The following CDH18 variants were observed in gnomAD, a reference collection of about 807,000 sequenced individuals.
CDH18 encodes cadherin 18, also known as cadherin-18.
Under a neutral mutation model 67.9 loss-of-function variants are expected in CDH18, and 31 were observed. The observed-to-expected ratio is 0.46, with a 90% confidence interval of 0.34 to 0.62. The LOEUF (loss-of-function observed/expected upper bound fraction) is 0.62. CDH18 is among the 20% of genes least tolerant of loss of function. The pLI is 0.01. For missense variants in CDH18, 890 were observed against 975.5 expected (o/e 0.91, Z 1.17); for synonymous variants, 362 against 347.2 (o/e 1.04, Z -0.48).
intron 4 of CDH18, among the ~76,000 whole-genome samples, chr5:19,731,566 C>T (rs866058596): frequency 5.3e-5 from 8 of 152,146 alleles, no homozygotes; most frequent in African/African-American, 1.9e-4. Flanking sequence ...GTTGCAGATT[C>T]TTATTTTAAA....
chr5:19,744,295 ACTCAT>A (rs1769659794), intron 4 of CDH18, among the ~76,000 whole-genome samples: 1 of 151,918 alleles, frequency 6.6e-6, no homozygotes, highest in African/African-American at 2.4e-5. Context: ...CCTCAACCAT[ACTCAT>A]CTCAGTAAGA....
At chr5:20,361,364 A>C (rs1467496200) in intron 1 of CDH18, among the ~76,000 whole-genome samples, 2 of 152,022 alleles carry the variant, frequency 1.3e-5, no homozygotes, top group African/African-American at 4.8e-5. Flanking sequence ...TTTTATACTA[A>C]AAAAAGATTC....
chr5:19,774,398 C>A (rs1416907859), intron 3 of CDH18, among the ~76,000 whole-genome samples: 2 of 36,626 alleles, frequency 5.5e-5, no homozygotes, highest in Non-Finnish European at 1.8e-4. Context: ...GGGCAAAAAA[C>A]TGAAACCTTG....
In CDH18 at chr5:19,551,942, A is replaced by G. The variant is rs534917684; in HGVS notation, c.1254-7937T>C. On this transcript the variant is annotated intron_variant, in intron 8 of 12. Coordinates refer to ENST00000382275, the MANE Select transcript of CDH18 (RefSeq NM_004934.5). Reference sequence around the variant, plus strand: ...CTCTTTAACTTCTACCAATAATAACACAGATGTATTGCTTGGCCTCACAAG... The same window carrying G: ...CTCTTTAACTTCTACCAATAATAACGCAGATGTATTGCTTGGCCTCACAAG... Among the ~76,000 whole-genome samples the G allele has an allele frequency of 1.1e-3, 174 of 152,322 alleles. 1 individual carries two copies. The highest frequency in any genetic ancestry group is 4.1e-3 in the African/African-American group (172 of 41,588).
intron 2 of CDH18, among the ~76,000 whole-genome samples, chr5:20,193,369 C>T (rs1051425216): frequency 8.6e-5 from 13 of 151,828 alleles, no homozygotes; most frequent in Non-Finnish European, 1.6e-4. Flanking sequence ...ACATACACCC[C>T]ATCCAGACTA....
chr5:19,877,267 T>C (rs995521355), intron 2 of CDH18, among the ~76,000 whole-genome samples: 1 of 152,166 alleles, frequency 6.6e-6, no homozygotes, highest in Non-Finnish European at 1.5e-5. Flanking sequence ...AAATCGTTAC[T>C]TTTATTCAAC....
intron 6 of CDH18, among the ~76,000 whole-genome samples, chr5:19,607,775 A>G (rs1365140172): frequency 6.6e-6 from 1 of 151,470 alleles, no homozygotes; most frequent in African/African-American, 2.4e-5. Context: ...AAGAACAATA[A>G]AGTTTGAAAG....
intron 2 of CDH18, among the ~76,000 whole-genome samples, chr5:20,071,961 G>A (rs948418158): frequency 6.6e-6 from 1 of 152,078 alleles, no homozygotes; most frequent in African/African-American, 2.4e-5. Flanking sequence ...CACCTTTGGT[G>A]AGAGTTTTCT....
rs186723491 is a variant in CDH18, at chr5:20,275,054, G to A, written c.-579-19549C>T. Among the ~76,000 whole-genome samples, 98 of 152,126 alleles carry A rather than the reference G, an allele frequency of 6.4e-4. 1 individual carries two copies. Among genetic ancestry groups the A allele is most frequent in the Admixed American group, 1.4e-3 (21 of 15,272 alleles). ...ATTTGCCAATAAGTAGTAGACAAGAGGGATCCTGAAGAAAAGAAAAGCTAA... is the reference window on the plus strand; with the variant it reads ...ATTTGCCAATAAGTAGTAGACAAGAAGGATCCTGAAGAAAAGAAAAGCTAA... On this transcript the variant is annotated intron_variant, in intron 1 of 14. Coordinates refer to the CDH18 transcript ENST00000507958.
At chr5:19,631,962 G>A (rs1752483716) in intron 5 of CDH18, among the ~76,000 whole-genome samples, 1 of 151,958 alleles carries the variant, frequency 6.6e-6, no homozygotes, top group East Asian at 1.9e-4. Context: ...GAGTAGTAGA[G>A]CCAATTGTCT....
chr5:19,766,783 G>A (rs780954957), intron 3 of CDH18, among the ~76,000 whole-genome samples: 7 of 151,964 alleles, frequency 4.6e-5, no homozygotes, highest in Non-Finnish European at 7.4e-5. Flanking sequence ...TTATCTGCCC[G>A]GATTTTAGTG....
chr5:20,159,211 G>T lies in CDH18; in HGVS notation c.-518+96233C>A, dbSNP rs538760639. On this transcript the variant is annotated intron_variant, in intron 2 of 14. Transcript: ENST00000507958. ...CTGGACCAAAATATAAAAACAGATG[G>T]AATAAATTGGTAATGCACACTAATG... Among the ~76,000 whole-genome samples the T allele has an allele frequency of 3.9e-5, 6 of 152,260 alleles. No homozygotes were observed. In the South Asian group the frequency reaches 1.2e-3, roughly 32 times the overall value.
intron 5 of CDH18, among the ~76,000 whole-genome samples, chr5:19,711,974 G>A (rs1764763070): frequency 6.6e-6 from 1 of 152,060 alleles, no homozygotes; most frequent in South Asian, 2.1e-4. Context: ...ATATTACTCA[G>A]CAATTAAAAA....
chr5:19,476,560 A>T (rs1738507219), intron 12 of CDH18, among the ~76,000 whole-genome samples: 1 of 152,036 alleles, frequency 6.6e-6, no homozygotes, highest in Non-Finnish European at 1.5e-5. Context: ...ATCCTCAAGT[A>T]ATTCACTCCA....
chr5:20,346,549 A>G (rs1044384867), intron 1 of CDH18, among the ~76,000 whole-genome samples: 1 of 152,066 alleles, frequency 6.6e-6, no homozygotes, highest in African/African-American at 2.4e-5. Flanking sequence ...CATCTCAGGG[A>G]CTGTGGTTCG....
chr5:20,424,951 C>T (rs1036437747), intron 1 of CDH18, among the ~76,000 whole-genome samples: 2 of 150,470 alleles, frequency 1.3e-5, no homozygotes, highest in African/African-American at 5.0e-5. Context: ...GTTCTCAGGA[C>T]ACACAAACAT....
chr5:20,135,736 T>C (rs1218633920), intron 2 of CDH18, among the ~76,000 whole-genome samples: 2 of 152,190 alleles, frequency 1.3e-5, no homozygotes, highest in East Asian at 3.9e-4. Flanking sequence ...TTTAGTGCTA[T>C]AAATTTCCCT....
chr5:20,445,039 A>C (rs1749904667), intron 1 of CDH18, among the ~76,000 whole-genome samples: 2 of 152,154 alleles, frequency 1.3e-5, no homozygotes, highest in Admixed American at 6.5e-5. Flanking sequence ...TTCATGCCAA[A>C]TCAAAAAGAT....
At chr5:19,474,500 CAGT>C (rs1373156562) in intron 12 of CDH18, among the ~76,000 whole-genome samples, 2 of 151,942 alleles carry the variant, frequency 1.3e-5, no homozygotes, top group Non-Finnish European at 2.9e-5. Flanking sequence ...TAACCTTGAG[CAGT>C]AGGACATAAA....
Sources: gnomAD v4.1 joint callset for allele counts (sites outside exome capture counted in the v4.1 genomes callset) on GRCh38, gnomAD v4.1.1 for gene constraint, MANE v1.5 for transcripts, NCBI Gene and HGNC (gene_info 2026-07-23, HGNC 2026-07-21) for gene names.